The following RBMS1 variants were observed in gnomAD, a reference collection of about 807,000 sequenced individuals.
The protein encoded by RBMS1 is RNA binding motif single stranded interacting protein 1.
In RBMS1, 17 loss-of-function variants were observed where a neutral mutation model predicts 62.3. The observed-to-expected ratio is 0.27, with a 90% confidence interval of 0.19 to 0.41. The LOEUF is 0.41. RBMS1 is among the 10% of genes least tolerant of loss of function. The pLI is 1.00. For missense variants in RBMS1, 334 were observed against 504.5 expected (o/e 0.66, Z 3.24); for synonymous variants, 172 against 170.0 (o/e 1.01, Z -0.09).
At chr2:160,444,111 C>T (rs1683538399) in intron 1 of RBMS1, among the ~76,000 whole-genome samples, 1 of 152,174 alleles carries the variant, frequency 6.6e-6, no homozygotes, top group East Asian at 1.9e-4. Context: ...CAACAACATT[C>T]TGTTTTTTAT....
At chr2:160,300,599 A>G in intron 6 of RBMS1, 52 bp downstream of exon 6, 2 of 1,528,632 alleles carry the variant, frequency 1.3e-6, no homozygotes, top group Non-Finnish European at 1.7e-6. Flanking sequence ...TGCTAAAGTT[A>G]AACATACATC....
At chr2:160,296,573 C>T (rs1366523405) in intron 6 of RBMS1, among the ~76,000 whole-genome samples, 1 of 152,214 alleles carries the variant, frequency 6.6e-6, no homozygotes, top group Non-Finnish European at 1.5e-5. Flanking sequence ...CTTGGAGAAA[C>T]TGCTCTCTTC....
rs78671441 is a variant in RBMS1 at position 160,397,591 on chromosome 2, G to C, written c.76-30200C>G. Among the ~76,000 whole-genome samples the C allele has an allele frequency of 9.7e-3, 1,468 of 152,078 alleles. 11 individuals carry two copies. The highest frequency in any genetic ancestry group is 0.015 in the Non-Finnish European group (1,021 of 68,014). On this transcript the variant is annotated intron_variant, in intron 1 of 13. Transcript: ENST00000348849. Reference sequence around the variant, plus strand: ...TTTCAGGAAAAAAACTCTCTTTGGCGTCTGACTTTCCTAAAGACACACCCT... The same window carrying C: ...TTTCAGGAAAAAAACTCTCTTTGGCCTCTGACTTTCCTAAAGACACACCCT...
chr2:160,333,915 C>T (rs567293358), intron 2 of RBMS1, among the ~76,000 whole-genome samples: 28 of 151,920 alleles, frequency 1.8e-4, no homozygotes, highest in Non-Finnish European at 3.2e-4. Flanking sequence ...TCAGCATGAA[C>T]TCTAGTGAAC....
chr2:160,356,081 G>A (rs889871136), intron 2 of RBMS1, among the ~76,000 whole-genome samples: 5 of 152,084 alleles, frequency 3.3e-5, no homozygotes, highest in African/African-American at 1.2e-4. Context: ...TTGTAAGACA[G>A]TGACCCCTAA....
At chr2:160,304,063 T>TG (rs1224582193) in intron 4 of RBMS1, among the ~76,000 whole-genome samples, 1 of 152,044 alleles carries the variant, frequency 6.6e-6, no homozygotes, top group Non-Finnish European at 1.5e-5. Flanking sequence ...TAGTCAATTC[T>TG]GGGTAGGGAA....
intron 13 of RBMS1, 103 bp downstream of exon 13, chr2:160,275,527 T>C: frequency 6.7e-7 from 1 of 1,499,640 alleles, no homozygotes; most frequent in African/African-American, 1.4e-5. Context: ...TAAAGCAGTA[T>C]GATAAAATCC....
chr2:160,392,867 AG>A (rs1573990871), intron 1 of RBMS1, among the ~76,000 whole-genome samples: 1 of 152,206 alleles, frequency 6.6e-6, no homozygotes, highest in East Asian at 1.9e-4. Flanking sequence ...ACCACACTCC[AG>A]CCCGGGCAAC....
At chr2:160,368,498 A>G (rs909586423) in intron 1 of RBMS1, among the ~76,000 whole-genome samples, 1 of 152,034 alleles carries the variant, frequency 6.6e-6, no homozygotes, top group African/African-American at 2.4e-5. Flanking sequence ...GGAGAAGCAG[A>G]CCCCTTACAA....
chr2:160,322,558 A>T (rs1407411530), intron 2 of RBMS1, among the ~76,000 whole-genome samples: 1 of 152,234 alleles, frequency 6.6e-6, no homozygotes. Flanking sequence ...GATTTCACAG[A>T]ACATCAGAAA....
At position 160,369,598 on chromosome 2, in the gene RBMS1, T is replaced by C. The variant is rs184608808; in HGVS notation, c.76-2207A>G. 5.9e-5 allele frequency among the ~76,000 whole-genome samples: 9 copies of C among 152,326 alleles called. No homozygotes were observed. The East Asian group carries it at 1.2e-3, about 20-fold the overall frequency. On this transcript the variant is annotated intron_variant, in intron 1 of 13. Coordinates refer to ENST00000348849, the MANE Select transcript of RBMS1 (RefSeq NM_016836.4). ...ACCATCCCTGACACAAGCCACACTG[T>C]TTTCACAGTAGGACCCAGTATGTTT...
At chr2:160,329,766 C>A (rs1369774313) in intron 2 of RBMS1, among the ~76,000 whole-genome samples, 2 of 151,720 alleles carry the variant, frequency 1.3e-5, no homozygotes, top group Admixed American at 6.6e-5. Flanking sequence ...GTATGGAGAT[C>A]AGGGCTAAAA....
chr2:160,288,915 A>T (rs1688544650), intron 6 of RBMS1, among the ~76,000 whole-genome samples: 1 of 152,054 alleles, frequency 6.6e-6, no homozygotes, highest in Non-Finnish European at 1.5e-5. Flanking sequence ...TCTTTCAGAG[A>T]CAGTAAATGA....
At chr2:160,311,926 A>G (rs961100824) in intron 4 of RBMS1, among the ~76,000 whole-genome samples, 2 of 152,214 alleles carry the variant, frequency 1.3e-5, no homozygotes, top group South Asian at 2.1e-4. Context: ...TGGGACATAA[A>G]TATCAGTTTA....
At chr2:160,407,463 C>T in intron 1 of RBMS1, 1 of 986,286 alleles carries the variant, frequency 1.0e-6, no homozygotes, top group Non-Finnish European at 1.2e-6. Context: ...CGCCGCCTCA[C>T]CTGCTTGCGA....
chr2:160,347,677 G>A (rs772372656), intron 2 of RBMS1, among the ~76,000 whole-genome samples: 5 of 152,016 alleles, frequency 3.3e-5, no homozygotes, highest in Admixed American at 6.6e-5. Flanking sequence ...TTCTATCTGT[G>A]GAAGTTGTCA....
At chr2:160,421,172 T>C (rs1696409132) in intron 1 of RBMS1, among the ~76,000 whole-genome samples, 1 of 152,020 alleles carries the variant, frequency 6.6e-6, no homozygotes, top group Non-Finnish European at 1.5e-5. Context: ...ATACTTTAAG[T>C]TCTAGGGTAC....
intron 1 of RBMS1, among the ~76,000 whole-genome samples, chr2:160,418,026 T>C (rs1329712877): frequency 6.6e-6 from 1 of 152,190 alleles, no homozygotes; most frequent in African/African-American, 2.4e-5. Context: ...CAGCTCTCTC[T>C]CCACAATCAC....
chr2:160,299,615 G>A (rs541203406), intron 6 of RBMS1, among the ~76,000 whole-genome samples: 1 of 152,326 alleles, frequency 6.6e-6, no homozygotes, highest in East Asian at 1.9e-4. Context: ...CTCAAGGACA[G>A]CTTCGAAACC....
Sources: allele counts gnomAD v4.1 joint callset (sites outside exome capture counted in the v4.1 genomes callset), GRCh38; gene constraint gnomAD v4.1.1; transcripts MANE v1.5; gene names NCBI Gene and HGNC (gene_info 2026-07-23, HGNC 2026-07-21).